The following NCKAP5 variants were observed in gnomAD, a reference collection of about 807,000 sequenced individuals.
NCKAP5 encodes the protein NCK associated protein 5, also known as nck-associated protein 5.
NCKAP5 carries 92 observed loss-of-function variants against 167.0 expected under a neutral mutation model. That is an observed-to-expected ratio of 0.55 (90% CI 0.47 to 0.66). The LOEUF (loss-of-function observed/expected upper bound fraction) is 0.66. Among genes scored for constraint, NCKAP5 ranks in the 30% least tolerant of loss-of-function variants. The pLI is 0.00. For synonymous variants in NCKAP5, 891 were observed against 877.4 expected (o/e 1.02, Z -0.27); for missense variants, 2,378 against 2,315.0 (o/e 1.03, Z -0.56).
chr2:132,894,638 T>C (rs1286737932), intron 8 of NCKAP5, among the ~76,000 whole-genome samples: 10 of 152,182 alleles, frequency 6.6e-5, no homozygotes. Flanking sequence ...TATTGTCCCT[T>C]TGCTTCAGAA....
chr2:132,711,225 A>G (rs1688813594), intron 19 of NCKAP5, among the ~76,000 whole-genome samples: 1 of 152,218 alleles, frequency 6.6e-6, no homozygotes, highest in African/African-American at 2.4e-5. Context: ...TTTCTCTCCA[A>G]AAGCTTTCCA....
chr2:133,231,705 G>T (rs1211293770), intron 4 of NCKAP5, among the ~76,000 whole-genome samples: 1 of 151,940 alleles, frequency 6.6e-6, no homozygotes, highest in African/African-American at 2.4e-5. Flanking sequence ...AATACTAACG[G>T]TACCTATGAC....
chr2:132,721,216 G>A (rs148286948), intron 19 of NCKAP5, among the ~76,000 whole-genome samples: 1,932 of 152,258 alleles, frequency 0.013, 46 homozygotes, highest in African/African-American at 0.044. Context: ...GCTGAGGCAG[G>A]AGAATCGCTT....
chr2:133,011,588 A>G (rs1021846516), intron 6 of NCKAP5, among the ~76,000 whole-genome samples: 1 of 152,260 alleles, frequency 6.6e-6, no homozygotes, highest in East Asian at 1.9e-4. Context: ...AGTGAAGTTG[A>G]GTAAATCAAT....
chr2:132,832,828 T>C (rs1687616731), intron 11 of NCKAP5, among the ~76,000 whole-genome samples: 1 of 152,214 alleles, frequency 6.6e-6, no homozygotes, highest in Non-Finnish European at 1.5e-5. Flanking sequence ...GTGATAAACA[T>C]ATGAGTGCAG....
the NCKAP5 span, among the ~76,000 whole-genome samples, chr2:133,591,843 A>G: frequency 6.6e-6 from 1 of 152,166 alleles, no homozygotes; most frequent in African/African-American, 2.4e-5. Context: ...TTAATCATAA[A>G]AGCAGTTCAT....
chr2:133,243,498 A>G (rs2087824954), intron 4 of NCKAP5, among the ~76,000 whole-genome samples: 1 of 152,190 alleles, frequency 6.6e-6, no homozygotes, highest in Admixed American at 6.5e-5. Context: ...TCCAGTAGCT[A>G]TGGAAACTAT....
At chr2:133,025,282 G>T (rs1281002297) in intron 6 of NCKAP5, among the ~76,000 whole-genome samples, 1 of 152,186 alleles carries the variant, frequency 6.6e-6, no homozygotes, top group Non-Finnish European at 1.5e-5. Context: ...ATGACTAAAT[G>T]CTAGTTGATA....
At chr2:133,614,932 C>A in the NCKAP5 span, among the ~76,000 whole-genome samples, 2 of 152,190 alleles carry the variant, frequency 1.3e-5, no homozygotes, top group Admixed American at 6.5e-5. Flanking sequence ...GGAAGCCCAT[C>A]AGACTAACAG....
chr2:133,474,173 C>A (rs1202850314), intron 3 of NCKAP5, among the ~76,000 whole-genome samples: 1 of 151,682 alleles, frequency 6.6e-6, no homozygotes, highest in African/African-American at 2.4e-5. Context: ...CACACACACA[C>A]ACACGTACAT....
At chr2:133,532,859 T>C (rs1478612331) in intron 2 of NCKAP5, among the ~76,000 whole-genome samples, 1 of 152,232 alleles carries the variant, frequency 6.6e-6, no homozygotes, top group Admixed American at 6.5e-5. Flanking sequence ...GATATTTTAG[T>C]ATTTTTCATT....
At chr2:133,070,009 C>T (rs926755442) in intron 6 of NCKAP5, among the ~76,000 whole-genome samples, 14 of 151,906 alleles carry the variant, frequency 9.2e-5, no homozygotes, top group Non-Finnish European at 1.6e-4. Flanking sequence ...CTTGGATAGA[C>T]GAACTTTGAA....
intron 19 of NCKAP5, among the ~76,000 whole-genome samples, chr2:132,723,140 ATTT>A (rs869234028): frequency 5.4e-4 from 50 of 93,416 alleles, no homozygotes; most frequent in African/African-American, 1.7e-3. Flanking sequence ...GCCAGGTGGT[ATTT>A]TTTTTTTTTT....
At chr2:133,641,589 G>T in the NCKAP5 span, among the ~76,000 whole-genome samples, 1 of 152,248 alleles carries the variant, frequency 6.6e-6, no homozygotes, top group African/African-American at 2.4e-5. Flanking sequence ...GCACCACAGA[G>T]TGGGAGCTGA....
intron 6 of NCKAP5, among the ~76,000 whole-genome samples, chr2:133,011,327 C>A (rs1235925399): frequency 6.6e-6 from 1 of 152,136 alleles, no homozygotes; most frequent in Non-Finnish European, 1.5e-5. Flanking sequence ...TGTTAAAAAT[C>A]AAGTAATAAG....
At chr2:133,529,696 T>C (rs1004749880) in intron 2 of NCKAP5, among the ~76,000 whole-genome samples, 3 of 152,226 alleles carry the variant, frequency 2.0e-5, no homozygotes, top group African/African-American at 7.2e-5. Context: ...AGAGTTATCA[T>C]AGCTGAACAG....
At chr2:132,725,825 G>T in intron 18 of NCKAP5, 66 bp from the exon 19 acceptor site, 3 of 1,508,244 alleles carry the variant, frequency 2.0e-6, no homozygotes, top group Non-Finnish European at 2.7e-6. Context: ...AGCATCCTGT[G>T]AGGATGCGAC....
intron 3 of NCKAP5, among the ~76,000 whole-genome samples, chr2:133,311,643 C>T (rs1681240438): frequency 6.6e-6 from 1 of 152,128 alleles, no homozygotes; most frequent in Non-Finnish European, 1.5e-5. Flanking sequence ...CTAAATAGAA[C>T]AAAAGATGAT....
rs958914416 is a variant in NCKAP5 at position 132,784,151 on chromosome 2, C to T, written c.2660G>A (p.Cys887Tyr). 3.3e-6 allele frequency: 5 copies of T among 1,529,800 alleles called. No individual in the cohort carries two copies. The highest frequency in any genetic ancestry group is 1.3e-5 in the South Asian group (1 of 75,974). 94.8% of individuals were successfully genotyped at this position (1,529,800 alleles called of 1,614,324 possible). A position where few individuals can be genotyped will look rare whatever the true frequency, so the allele number is the denominator to read the frequency against. The change falls in exon 14 of 20, where the codon TGC becomes TAC. Residue 887 changes from cysteine to tyrosine, a missense_variant. Transcript: ENST00000409261. ...TGACCCTGGAGTCTGACTCTTGGGG[C>T]ACTGGACCCAGTCCCTCCTGCTGGG... The part of the protein sequence containing the change: ...RMPSRRDWVQ[C>Y]PKSQTPGSRS...
Sources: gnomAD v4.1 joint callset for allele counts (sites outside exome capture counted in the v4.1 genomes callset) on GRCh38, gnomAD v4.1.1 for gene constraint, MANE v1.5 for transcripts, NCBI Gene and HGNC (gene_info 2026-07-23, HGNC 2026-07-21) for gene names.